Variants in CHERP observed in about 807,000 individuals in gnomAD.
The protein encoded by CHERP is calcium homeostasis endoplasmic reticulum protein.
CHERP carries 8 observed loss-of-function variants against 113.8 expected under a neutral mutation model. The ratio of observed to expected loss-of-function variants is 0.07; its 90% CI spans 0.04 to 0.13. The LOEUF is 0.13. CHERP is among the 10% of genes least tolerant of loss of function. CHERP has a pLI of 1.00. For missense variants in CHERP, 884 were observed against 1,298.2 expected (o/e 0.68, Z 4.90); for synonymous variants, 559 against 524.5 (o/e 1.07, Z -0.90).
chr19:16,521,799 T>C, intron 11 of CHERP, 145 bp from the exon 12 acceptor site: 1 of 694,288 alleles, frequency 1.4e-6, no homozygotes, highest in Non-Finnish European at 2.2e-6. Context: ...GCTTCCCTCT[T>C]GGGGATCCCA....
chr19:16,530,526 C>T lies in CHERP; in HGVS notation c.876+59G>A. The T allele has an allele frequency of 6.5e-7, 1 of 1,534,936 alleles. No individual in the cohort carries two copies. Among genetic ancestry groups the T allele is most frequent in the South Asian group, 1.1e-5 (1 of 89,334 alleles). On this transcript the variant is annotated intron_variant, in intron 7 of 16. Transcript: ENST00000546361. The surrounding 1 kb of genome is among the most constrained non-coding windows in gnomAD (Gnocchi z 4.1). Reference sequence around the variant, plus strand: ...CAGCTGCTGTCCCCACACTCCCAAACCCTCCTGGGGAACCCGCCCCAGCTC... The same window carrying T: ...CAGCTGCTGTCCCCACACTCCCAAATCCTCCTGGGGAACCCGCCCCAGCTC...
At chr19:16,529,978 G>C in intron 7 of CHERP, 78 bp from the exon 8 acceptor site, 1 of 1,517,820 alleles carries the variant, frequency 6.6e-7, no homozygotes, top group South Asian at 1.2e-5. Flanking sequence ...CAAACGCCTG[G>C]AAAGCAGCAG....
chr19:16,520,959 A>G lies in CHERP; in HGVS notation c.2115-47T>C. The G allele has an allele frequency of 6.5e-7, 1 of 1,532,400 alleles. No individual in the cohort carries two copies. The highest frequency in any genetic ancestry group is 9.0e-7 in the Non-Finnish European group (1 of 1,107,366). The allele number at this position is 1,532,400 out of a possible 1,614,324, so 94.9% of individuals were successfully genotyped here. ...GTGTGACCACGTGACACCCACCCAC[A>G]AGGAAGTCGTGAAAAAGTCATCAGG... is the stretch of plus-strand genomic sequence containing the variant. On this transcript the variant is annotated intron_variant, in intron 12 of 16. Transcript: ENST00000546361. This position sits in a 1 kb window ranked among gnomAD's most constrained non-coding sequence, Gnocchi z 4.0.
chr19:16,542,125 G>C, intron 1 of CHERP, 82 bp from the exon 2 acceptor site: 1 of 1,458,018 alleles, frequency 6.9e-7, no homozygotes, highest in Non-Finnish European at 9.2e-7. Context: ...GCCCCCGTCC[G>C]CCTTGCCGGG....
intron 10 of CHERP, among the ~76,000 whole-genome samples, chr19:16,524,424 C>T (rs920670761): frequency 4.6e-5 from 7 of 151,940 alleles, no homozygotes; most frequent in South Asian, 2.1e-4. Flanking sequence ...GGCATGGTGG[C>T]GCACACCTGT....
rs1338121293 is a variant in CHERP at position 16,528,111 on chromosome 19, G to C, written c.1274C>G (p.Pro425Arg). 6.2e-7 allele frequency: 1 copy of C among 1,613,578 alleles called. No homozygotes were observed. Among genetic ancestry groups the C allele is most frequent in the Non-Finnish European group, 8.5e-7 (1 of 1,180,000 alleles). ...PPNKPPWFDQ[P>R]HPVAPWGQQQ... ...CTGGCCCCAAGGAGCCACGGGGTGAGGCTGGTCAAACCAAGGGGGCTTGTT... is the reference window on the plus strand; with the variant it reads ...CTGGCCCCAAGGAGCCACGGGGTGACGCTGGTCAAACCAAGGGGGCTTGTT... The change falls in exon 9 of 17, where the codon CCT becomes CGT. Residue 425 changes from proline to arginine, a missense_variant. Pro to Arg is a moderately radical substitution (Grantham distance 103). Coordinates refer to ENST00000546361, the MANE Select transcript of CHERP (RefSeq NM_006387.6).
chr19:16,526,833 A>G (rs2085660697), intron 9 of CHERP, among the ~76,000 whole-genome samples: 2 of 152,200 alleles, frequency 1.3e-5, no homozygotes, highest in South Asian at 4.1e-4. Flanking sequence ...GCATGACCAT[A>G]GCTCAATGAA....
Position 16,535,421 on chromosome 19 carries a change from G to T in CHERP, c.384+31C>A, listed in dbSNP as rs758368165. 15 of 1,596,964 alleles carry T rather than the reference G, an allele frequency of 9.4e-6. No individual in the cohort carries two copies. The highest frequency in any genetic ancestry group is 1.3e-5 in the Non-Finnish European group (15 of 1,172,582). ...AAACAGAGGCACAGGGGAGCTGCTGGTGTCTGGCCGAGGAGGCGGCGGGCC... is the reference window on the plus strand; with the variant it reads ...AAACAGAGGCACAGGGGAGCTGCTGTTGTCTGGCCGAGGAGGCGGCGGGCC... On this transcript the variant is annotated intron_variant, in intron 3 of 16. Coordinates refer to ENST00000546361, the MANE Select transcript of CHERP (RefSeq NM_006387.6). This position sits in a 1 kb window ranked among gnomAD's most constrained non-coding sequence, Gnocchi z 4.3.
chr19:16,520,940 C>A lies in CHERP; in HGVS notation c.2115-28G>T, dbSNP rs368355916. On this transcript the variant is annotated intron_variant, in intron 12 of 16. Coordinates refer to ENST00000546361, the MANE Select transcript of CHERP (RefSeq NM_006387.6). This position sits in a 1 kb window ranked among gnomAD's most constrained non-coding sequence, Gnocchi z 4.0. Reference sequence around the variant, plus strand: ...GTAAGACACGGCATTCCGTGTGTGACCACGTGACACCCACCCACAAGGAAG... The same window carrying A: ...GTAAGACACGGCATTCCGTGTGTGAACACGTGACACCCACCCACAAGGAAG... The A allele has an allele frequency of 9.8e-5, 155 of 1,580,358 alleles. No individual in the cohort carries two copies. The highest frequency in any genetic ancestry group is 1.3e-4 in the Non-Finnish European group (145 of 1,150,392).
Position 16,520,401 on chromosome 19 carries a change from G to A in CHERP, c.2308C>T (p.Arg770Cys), listed in dbSNP as rs747697426. ...SSGSYSRSRS[R>C]SCSRSYSRSR... ...CGGGAGTAGGAACGGGAGCAGGAGC[G>A]CGACCTTGACCTTGAGTACGAGCCT... is the stretch of plus-strand genomic sequence containing the variant. The change falls in exon 14 of 17, where the codon CGC becomes TGC. Residue 770 changes from arginine to cysteine, a missense_variant. Arg to Cys is a radical substitution (Grantham distance 180, BLOSUM62 -3). This residue lies in a region of CHERP where 159 missense variants were observed against 185.8 expected (regional missense o/e 0.86). Coordinates refer to ENST00000546361, the MANE Select transcript of CHERP (RefSeq NM_006387.6). This position sits in a 1 kb window ranked among gnomAD's most constrained non-coding sequence, Gnocchi z 4.0. 6 of 1,613,982 alleles carry A rather than the reference G, an allele frequency of 3.7e-6. No individual in the cohort carries two copies. Among genetic ancestry groups the A allele is most frequent in the South Asian group, 1.1e-5 (1 of 91,094 alleles).
intron 3 of CHERP, among the ~76,000 whole-genome samples, chr19:16,533,578 G>A (rs930413904): frequency 1.3e-5 from 2 of 152,090 alleles, no homozygotes; most frequent in African/African-American, 2.4e-5. Context: ...GCAACGTAGC[G>A]AAACCTCATC....
chr19:16,529,473 C>T (rs755820344), intron 8 of CHERP, among the ~76,000 whole-genome samples, 175 bp downstream of exon 8: 3 of 152,162 alleles, frequency 2.0e-5, no homozygotes, highest in Admixed American at 6.5e-5. Flanking sequence ...TAGTTTTACT[C>T]TAGGATCACC....
At chr19:16,526,746 G>A (rs1319143153) in intron 9 of CHERP, among the ~76,000 whole-genome samples, 2 of 151,544 alleles carry the variant, frequency 1.3e-5, no homozygotes, top group East Asian at 1.9e-4. Flanking sequence ...GATTACAGGC[G>A]TTAGCCACCA....
rs1266703173 is a variant in CHERP, at chr19:16,530,733, C to T, written c.786+36G>A. 5.6e-6 allele frequency: 9 copies of T among 1,613,842 alleles called. No homozygotes were observed. Among genetic ancestry groups the T allele is most frequent in the South Asian group, 3.3e-5 (3 of 91,086 alleles). ...GGGGAGGGGAAAGGCCTGTGTGTCC[C>T]GGTCTTGCCCAACCCCCGGCCCGGG... On this transcript the variant is annotated intron_variant, in intron 6 of 16. Transcript: ENST00000546361. The surrounding 1 kb of genome is among the most constrained non-coding windows in gnomAD (Gnocchi z 4.1).
intron 2 of CHERP, chr19:16,539,551 C>G (rs1345657628): frequency 6.6e-6 from 1 of 152,174 alleles, no homozygotes; most frequent in Non-Finnish European, 1.5e-5. Context: ...GCTGATCTCT[C>G]TCCACCCCAC....
chr19:16,520,706 C>G lies in CHERP; in HGVS notation c.2201+120G>C. The G allele has an allele frequency of 8.3e-7, 1 of 1,198,352 alleles. No homozygotes were observed. The highest frequency in any genetic ancestry group is 1.2e-6 in the Non-Finnish European group (1 of 819,160). 74.2% of individuals were successfully genotyped at this position (1,198,352 alleles called of 1,614,324 possible). ...GTGAATTCAGGCCTTGTGGAAAACACCGCCCCATAGGCACAGGCTGTGTGA... is the reference window on the plus strand; with the variant it reads ...GTGAATTCAGGCCTTGTGGAAAACAGCGCCCCATAGGCACAGGCTGTGTGA... On this transcript the variant is annotated intron_variant, in intron 13 of 16. Coordinates refer to ENST00000546361, the MANE Select transcript of CHERP (RefSeq NM_006387.6). The surrounding 1 kb of genome is among the most constrained non-coding windows in gnomAD (Gnocchi z 4.0).
Position 16,525,437 on chromosome 19 carries a change from T to G in CHERP, c.1546A>C (p.Met516Leu). ...GGGQREPPFR[M>L]QRPPHFRGPF... ...CCCCGGAAGTGTGGGGGCCGCTGCA[T>G]GCGGAAGGGTGGCTCGCGCTGGCCC... is the stretch of plus-strand genomic sequence containing the variant. The change falls in exon 10 of 17, where the codon ATG becomes CTG. Residue 516 changes from methionine to leucine, a missense_variant. Coordinates refer to ENST00000546361, the MANE Select transcript of CHERP (RefSeq NM_006387.6). This position sits in a 1 kb window ranked among gnomAD's most constrained non-coding sequence, Gnocchi z 6.5. 6.5e-7 allele frequency: 1 copy of G among 1,537,330 alleles called. No individual in the cohort carries two copies. Among genetic ancestry groups the G allele is most frequent in the Non-Finnish European group, 8.8e-7 (1 of 1,141,062 alleles).
At chr19:16,528,437 C>T (rs539473964) in intron 8 of CHERP, among the ~76,000 whole-genome samples, 182 bp from the exon 9 acceptor site, 2 of 152,280 alleles carry the variant, frequency 1.3e-5, no homozygotes, top group African/African-American at 2.4e-5. Flanking sequence ...GGGGAGGTTT[C>T]GACCTTGAAC....
At position 16,535,851 on chromosome 19, in the gene CHERP, G is replaced by C. The variant is rs1336960784; in HGVS notation, c.200-215C>G. On this transcript the variant is annotated intron_variant, in intron 2 of 16. Coordinates refer to ENST00000546361, the MANE Select transcript of CHERP (RefSeq NM_006387.6). This position sits in a 1 kb window ranked among gnomAD's most constrained non-coding sequence, Gnocchi z 4.3. ...TCCCAGCCTCAGCATTCCATCTTCG[G>C]GCCGTCCCCTCCTCGGAGAACCTAG... Among the ~76,000 whole-genome samples the C allele has an allele frequency of 6.6e-6, 1 of 152,106 alleles. No individual in the cohort carries two copies. Among genetic ancestry groups the C allele is most frequent in the Non-Finnish European group, 1.5e-5 (1 of 67,992 alleles).
Sources: allele counts gnomAD v4.1 joint callset (sites outside exome capture counted in the v4.1 genomes callset), GRCh38; gene constraint gnomAD v4.1.1; regional missense constraint gnomAD v4.1.1; non-coding constraint Gnocchi (gnomAD v3.1); transcripts MANE v1.5; gene names NCBI Gene and HGNC (gene_info 2026-07-23, HGNC 2026-07-21).